The following PRIM2 variants were observed in gnomAD, a reference collection of about 807,000 sequenced individuals.
PRIM2 encodes DNA primase large subunit.
PRIM2 carries 39 observed loss-of-function variants against 67.3 expected under a neutral mutation model. The ratio of observed to expected loss-of-function variants is 0.58; its 90% confidence interval spans 0.45 to 0.76. The LOEUF is 0.76. Among genes scored for constraint, PRIM2 ranks in the 30% least tolerant of loss-of-function variants. PRIM2 has a pLI of 0.00. For synonymous variants in PRIM2, 143 were observed against 198.7 expected (o/e 0.72, Z 2.36); for missense variants, 398 against 598.7 (o/e 0.66, Z 3.50).
At chr6:57,438,408 G>A (rs1772084815) in intron 7 of PRIM2, among the ~76,000 whole-genome samples, 1 of 152,182 alleles carries the variant, frequency 6.6e-6, no homozygotes, top group Non-Finnish European at 1.5e-5. Context: ...TATATAGGAA[G>A]TGCTTTACTG....
the PRIM2 span, among the ~76,000 whole-genome samples, chr6:57,236,763 G>A: frequency 6.6e-6 from 1 of 152,128 alleles, no homozygotes; most frequent in Non-Finnish European, 1.5e-5. Flanking sequence ...TTTTATGGCT[G>A]CATAGTTTTC....
At chr6:57,628,823 CT>C (rs1245990617) in intron 12 of PRIM2, among the ~76,000 whole-genome samples, 1 of 151,996 alleles carries the variant, frequency 6.6e-6, no homozygotes, top group Non-Finnish European at 1.5e-5. Context: ...TGATTTTGTT[CT>C]TTTTTTGTGG....
the PRIM2 span, among the ~76,000 whole-genome samples, chr6:57,283,481 C>T: frequency 2.6e-5 from 4 of 152,142 alleles, no homozygotes; most frequent in South Asian, 2.1e-4. Context: ...GGCACTTCTC[C>T]ATATAGTTAT....
the PRIM2 span, among the ~76,000 whole-genome samples, chr6:57,237,049 T>C: frequency 6.6e-6 from 1 of 152,044 alleles, no homozygotes; most frequent in African/African-American, 2.4e-5. Context: ...AAAGTGTTCC[T>C]ATTTCTCCAC....
In PRIM2 at chr6:57,470,573, A is replaced by G. The variant is rs1392476835; in HGVS notation, c.694-36814A>G. The stretch of plus-strand genomic sequence containing the variant: ...AGAATAATGTGTAGAGAGAACTGTC[A>G]TGTTTCAGAATGACTTTGAGAAACC... On this transcript the variant is annotated intron_variant, in intron 7 of 13. Coordinates refer to ENST00000615550, the MANE Select transcript of PRIM2 (RefSeq NM_000947.5). Among the ~76,000 whole-genome samples the G allele has an allele frequency of 7.9e-5, 12 of 151,022 alleles. No homozygotes were observed. The South Asian group carries it at 1.5e-3, about 19-fold the overall frequency.
intron 7 of PRIM2, among the ~76,000 whole-genome samples, chr6:57,403,209 TA>T (rs1482490052): frequency 3.2e-4 from 49 of 152,110 alleles, no homozygotes; most frequent in Admixed American, 7.8e-4. Context: ...AAGTGCTGTG[TA>T]TATTAGGTGT....
chr6:57,621,557 CT>C (rs1776855394), intron 12 of PRIM2, among the ~76,000 whole-genome samples: 1 of 152,018 alleles, frequency 6.6e-6, no homozygotes, highest in Non-Finnish European at 1.5e-5. Flanking sequence ...TTAATATCAA[CT>C]TAGCATCTAT....
intron 7 of PRIM2, among the ~76,000 whole-genome samples, chr6:57,396,151 T>C (rs1770507802): frequency 1.3e-5 from 2 of 152,338 alleles, no homozygotes; most frequent in African/African-American, 4.8e-5. Flanking sequence ...TGAAATGTTC[T>C]GTAAATATCT....
At chr6:57,383,361 T>C (rs548555532) in intron 7 of PRIM2, 2 of 152,268 alleles carry the variant, frequency 1.3e-5, no homozygotes, top group African/African-American at 4.8e-5. Context: ...TAGTTTTAGC[T>C]GTCATCTATT....
intron 5 of PRIM2, among the ~76,000 whole-genome samples, chr6:57,343,270 C>T (rs1374568620): frequency 2.6e-5 from 4 of 152,126 alleles, no homozygotes; most frequent in Non-Finnish European, 1.5e-5. Flanking sequence ...TGTCATAGTT[C>T]GTTTCGAATG....
intron 7 of PRIM2, among the ~76,000 whole-genome samples, chr6:57,409,017 AT>A (rs11449011): frequency 8.6e-5 from 13 of 151,764 alleles, no homozygotes; most frequent in Non-Finnish European, 1.9e-4. Flanking sequence ...AATTTAAAAC[AT>A]TTTTTCCATT....
chr6:57,513,621 C>A (rs1554347923), intron 8 of PRIM2, among the ~76,000 whole-genome samples: 1 of 152,114 alleles, frequency 6.6e-6, no homozygotes, highest in Non-Finnish European at 1.5e-5. Context: ...TGGCTGGACG[C>A]GGTGGCTTAC....
At chr6:57,400,569 A>T (rs1432206092) in intron 7 of PRIM2, among the ~76,000 whole-genome samples, 1 of 152,228 alleles carries the variant, frequency 6.6e-6, no homozygotes, top group South Asian at 2.1e-4. Context: ...TCTGTTGATT[A>T]TGTGTCTTGG....
the PRIM2 span, among the ~76,000 whole-genome samples, chr6:57,299,114 G>A: frequency 6.6e-6 from 1 of 151,878 alleles, no homozygotes; most frequent in South Asian, 2.1e-4. Context: ...GTGTTTGAGG[G>A]GAAGGTAGGA....
At chr6:57,542,164 C>T (rs1266074540) in intron 10 of PRIM2, among the ~76,000 whole-genome samples, 19 of 152,102 alleles carry the variant, frequency 1.2e-4, no homozygotes, top group South Asian at 8.3e-4. Context: ...CTAGTAGAGA[C>T]GGGGTTTCGC....
intron 7 of PRIM2, among the ~76,000 whole-genome samples, chr6:57,420,258 A>C (rs1281225619): frequency 6.6e-6 from 1 of 152,196 alleles, no homozygotes; most frequent in Non-Finnish European, 1.5e-5. Context: ...TAATCTCAGC[A>C]CTTTGGGAGG....
At chr6:57,502,735 C>A (rs1774165425) in intron 7 of PRIM2, among the ~76,000 whole-genome samples, 1 of 152,196 alleles carries the variant, frequency 6.6e-6, no homozygotes, top group Non-Finnish European at 1.5e-5. Context: ...CAGGCTGCAA[C>A]CCTTTATGAG....
intron 10 of PRIM2, among the ~76,000 whole-genome samples, chr6:57,552,574 G>C (rs1190704924): frequency 2.0e-5 from 3 of 152,222 alleles, no homozygotes; most frequent in Non-Finnish European, 2.9e-5. Flanking sequence ...GGAAATGAAT[G>C]ATGTCTACCA....
chr6:57,357,786 G>C (rs1214267536), intron 5 of PRIM2, among the ~76,000 whole-genome samples: 1 of 151,988 alleles, frequency 6.6e-6, no homozygotes, highest in Admixed American at 6.6e-5. Flanking sequence ...AGTAGAGATG[G>C]GGTTTCACCA....
Sources: allele counts gnomAD v4.1 joint callset (sites outside exome capture counted in the v4.1 genomes callset), GRCh38; gene constraint gnomAD v4.1.1; transcripts MANE v1.5; gene names NCBI Gene and HGNC (gene_info 2026-07-23, HGNC 2026-07-21).